The following LSAMP variants were observed in gnomAD, a reference collection of about 807,000 sequenced individuals.
The protein encoded by LSAMP is limbic system associated membrane protein.
A neutral mutation model predicts 38.6 loss-of-function variants in LSAMP; 7 were observed. That is an observed-to-expected ratio of 0.18 (90% CI 0.10 to 0.34). LSAMP has a LOEUF of 0.34. LSAMP is among the 10% of genes least tolerant of loss of function. The probability of loss-of-function intolerance (pLI) is 1.00; values close to 1 mark genes in which losing one functional copy is unlikely to be tolerated. For synonymous variants in LSAMP, 154 were observed against 166.8 expected (o/e 0.92, Z 0.59); for missense variants, 313 against 420.0 (o/e 0.75, Z 2.23).
At chr3:115,972,228 C>A (rs1328854009) in intron 3 of LSAMP, among the ~76,000 whole-genome samples, 2 of 151,678 alleles carry the variant, frequency 1.3e-5, no homozygotes, top group Non-Finnish European at 2.9e-5. Context: ...GAAATGGTAG[C>A]ATAAAAGGAA....
intron 2 of LSAMP, among the ~76,000 whole-genome samples, chr3:116,045,578 T>C (rs994523587): frequency 6.7e-6 from 1 of 148,402 alleles, no homozygotes; most frequent in Non-Finnish European, 1.5e-5. Flanking sequence ...AAATGGCTGA[T>C]TAGGTCAGAG....
At chr3:116,092,649 A>G (rs917316853) in intron 1 of LSAMP, among the ~76,000 whole-genome samples, 11 of 152,222 alleles carry the variant, frequency 7.2e-5, no homozygotes, top group Non-Finnish European at 2.9e-5. Context: ...AATTTCTTCA[A>G]ACACTTTACA....
intron 1 of LSAMP, among the ~76,000 whole-genome samples, chr3:116,329,107 T>C (rs1407387457): frequency 6.6e-6 from 1 of 152,160 alleles, no homozygotes; most frequent in African/African-American, 2.4e-5. Context: ...GAATAGGCTA[T>C]TGCCTGTAGG....
intron 3 of LSAMP, among the ~76,000 whole-genome samples, chr3:115,864,590 G>T (rs533160962): frequency 1.3e-5 from 2 of 152,120 alleles, no homozygotes; most frequent in African/African-American, 4.8e-5. Flanking sequence ...GAGGTAGAAA[G>T]AACTCATCCT....
intron 2 of LSAMP, among the ~76,000 whole-genome samples, chr3:116,040,064 C>T (rs904099100): frequency 6.6e-6 from 1 of 152,136 alleles, no homozygotes; most frequent in African/African-American, 2.4e-5. Flanking sequence ...CAATGGAAAG[C>T]TCGCTGAAGC....
intron 1 of LSAMP, among the ~76,000 whole-genome samples, chr3:116,277,278 T>A (rs2047067909): frequency 6.6e-6 from 1 of 152,210 alleles, no homozygotes; most frequent in Admixed American, 6.5e-5. Context: ...TTTCCAAGTA[T>A]GTAGCACCAC....
chr3:116,367,655 C>T (rs1016420997), intron 1 of LSAMP, among the ~76,000 whole-genome samples: 1 of 151,940 alleles, frequency 6.6e-6, no homozygotes, highest in Admixed American at 6.6e-5. Context: ...CAGGCATCGT[C>T]TGCCACCACA....
intron 1 of LSAMP, among the ~76,000 whole-genome samples, chr3:116,435,555 C>T (rs1013466802): frequency 2.0e-5 from 3 of 152,148 alleles, no homozygotes; most frequent in Non-Finnish European, 2.9e-5. Context: ...TCTTGTCCTG[C>T]GTGCCACACC....
intron 3 of LSAMP, among the ~76,000 whole-genome samples, chr3:115,935,068 A>C (rs1264036641): frequency 6.6e-6 from 1 of 152,144 alleles, no homozygotes; most frequent in Non-Finnish European, 1.5e-5. Context: ...AAAACAAAAA[A>C]AACCTCACCA....
chr3:116,274,337 G>A (rs1268578861), intron 1 of LSAMP, among the ~76,000 whole-genome samples: 1 of 152,044 alleles, frequency 6.6e-6, no homozygotes, highest in Non-Finnish European at 1.5e-5. Context: ...AGTAAATGAC[G>A]GGAGCTCTCC....
chr3:116,232,683 T>TTTTATTTA (rs2046414935), intron 1 of LSAMP, among the ~76,000 whole-genome samples: 1 of 114,746 alleles, frequency 8.7e-6, no homozygotes. Flanking sequence ...TTTAATTTTC[T>TTTTATTTA]TTTCTTTCTT....
intron 1 of LSAMP, among the ~76,000 whole-genome samples, chr3:116,169,265 T>TG (rs138260469): frequency 2.0e-5 from 3 of 152,000 alleles, no homozygotes; most frequent in African/African-American, 7.2e-5. Flanking sequence ...ATAAGGCATA[T>TG]GGGGGGAAAA....
intron 1 of LSAMP, among the ~76,000 whole-genome samples, chr3:116,104,904 C>T (rs1708428245): frequency 6.6e-6 from 1 of 152,170 alleles, no homozygotes; most frequent in Admixed American, 6.5e-5. Context: ...AGACTTATCA[C>T]ACACACTTTT....
At chr3:115,890,042 A>G (rs1219626774) in intron 3 of LSAMP, among the ~76,000 whole-genome samples, 6 of 151,968 alleles carry the variant, frequency 3.9e-5, no homozygotes, top group Admixed American at 3.9e-4. Context: ...TAAAAAACTC[A>G]ATAAACAGTA....
chr3:116,184,755 C>A (rs546987297), intron 1 of LSAMP, among the ~76,000 whole-genome samples: 33 of 151,670 alleles, frequency 2.2e-4, no homozygotes, highest in African/African-American at 7.5e-4. Context: ...TATTTAGGGG[C>A]CTTCTAGAAT....
intron 4 of LSAMP, among the ~76,000 whole-genome samples, chr3:115,844,185 C>T (rs1459565231): frequency 2.0e-5 from 3 of 152,178 alleles, no homozygotes; most frequent in Non-Finnish European, 4.4e-5. Context: ...ACTGCTCATT[C>T]TTTTCAAATG....
intron 3 of LSAMP, among the ~76,000 whole-genome samples, chr3:115,987,069 G>A (rs898651345): frequency 1.3e-5 from 2 of 152,208 alleles, no homozygotes; most frequent in Non-Finnish European, 2.9e-5. Context: ...TTAGGGAGAA[G>A]GGGACAGTAT....
At chr3:116,117,520 A>C (rs569316601) in intron 1 of LSAMP, among the ~76,000 whole-genome samples, 1 of 152,152 alleles carries the variant, frequency 6.6e-6, no homozygotes, top group African/African-American at 2.4e-5. Flanking sequence ...TACCTTATTT[A>C]CATTTTCATA....
rs183062885 is a variant in LSAMP, at chr3:116,288,733, C to T, written c.155+156144G>A. On this transcript the variant is annotated intron_variant, in intron 1 of 6. Transcript: ENST00000490035. ...TTACAGCACAGCACTATTCATTTTC[C>T]TGGCATAGACAGTGAGAATTTCTTT... 1.0e-3 allele frequency among the ~76,000 whole-genome samples: 158 copies of T among 152,256 alleles called. 1 individual carries two copies. The highest frequency in any genetic ancestry group is 3.4e-3 in the Middle Eastern group (1 of 292).
Sources: allele counts gnomAD v4.1 joint callset (sites outside exome capture counted in the v4.1 genomes callset), GRCh38; gene constraint gnomAD v4.1.1; transcripts MANE v1.5; gene names NCBI Gene and HGNC (gene_info 2026-07-23, HGNC 2026-07-21).